The following WDR72 variants were observed in gnomAD, a reference collection of about 807,000 sequenced individuals.
The protein encoded by WDR72 is WD repeat domain 72.
Under a neutral mutation model 124.2 loss-of-function variants are expected in WDR72, and 120 were observed. That is an observed-to-expected ratio of 0.97 (90% CI 0.83 to 1.12). WDR72 has a LOEUF of 1.12. WDR72 is among the 50% of genes most tolerant of loss of function. The pLI is 0.00. For synonymous variants in WDR72, 452 were observed against 441.7 expected (o/e 1.02, Z -0.29); for missense variants, 1,387 against 1,278.8 (o/e 1.08, Z -1.29).
At chr15:53,626,371 T>C (rs1418879354) in intron 14 of WDR72, among the ~76,000 whole-genome samples, 1 of 152,090 alleles carries the variant, frequency 6.6e-6, no homozygotes, top group African/African-American at 2.4e-5. Context: ...TTTAGCCTGA[T>C]TGGGAGCAGC....
chr15:53,737,784 C>G (rs2018399366), intron 1 of WDR72, among the ~76,000 whole-genome samples: 1 of 152,088 alleles, frequency 6.6e-6, no homozygotes, highest in African/African-American at 2.4e-5. Flanking sequence ...ATACTTGAAC[C>G]ACATAATTTG....
At chr15:53,643,163 A>T (rs997156068) in intron 14 of WDR72, among the ~76,000 whole-genome samples, 8 of 152,118 alleles carry the variant, frequency 5.3e-5, no homozygotes, top group Non-Finnish European at 1.5e-5. Flanking sequence ...AAATTATTTC[A>T]TCCTATTTTT....
Position 53,686,975 on chromosome 15 carries a change from G to A in WDR72, c.1765+12775C>T, listed in dbSNP as rs542123415. Among the ~76,000 whole-genome samples, 76 of 151,530 alleles carry A rather than the reference G, an allele frequency of 5.0e-4. 2 individuals are homozygous for A. In the South Asian group the frequency reaches 0.016, roughly 31 times the overall value. ...CCTGAATGACTACTGGGTACATAAC[G>A]AAATGAAGGCGGAAATAAACATGTT... On this transcript the variant is annotated intron_variant, in intron 13 of 19. Coordinates refer to ENST00000360509, the MANE Select transcript of WDR72 (RefSeq NM_182758.4).
At chr15:53,574,037 C>T (rs1174162630) in intron 18 of WDR72, among the ~76,000 whole-genome samples, 1 of 152,140 alleles carries the variant, frequency 6.6e-6, no homozygotes, top group African/African-American at 2.4e-5. Flanking sequence ...ATGTGACGAT[C>T]TCTTATAAAA....
chr15:53,530,006 T>G (rs1892363035), intron 18 of WDR72, among the ~76,000 whole-genome samples: 1 of 151,846 alleles, frequency 6.6e-6, no homozygotes, highest in African/African-American at 2.4e-5. Flanking sequence ...CTGGGAGGTT[T>G]GCCTAGATTT....
chr15:53,709,199 T>A (rs536384143), intron 9 of WDR72, among the ~76,000 whole-genome samples: 2 of 152,196 alleles, frequency 1.3e-5, no homozygotes, highest in Admixed American at 6.5e-5. Context: ...TGAACACTAG[T>A]GATGTTTGAA....
At chr15:53,740,097 C>T (rs2018467131) in intron 1 of WDR72, among the ~76,000 whole-genome samples, 2 of 152,078 alleles carry the variant, frequency 1.3e-5, no homozygotes, top group South Asian at 2.1e-4. Context: ...GCTTCTCTTA[C>T]TTGAATCTTT....
intron 18 of WDR72, among the ~76,000 whole-genome samples, chr15:53,552,152 G>GTGTT (rs574285684): frequency 6.6e-6 from 1 of 150,916 alleles, no homozygotes; most frequent in African/African-American, 2.5e-5. Flanking sequence ...GTGTGTGTGT[G>GTGTT]TTTATGTATG....
At chr15:53,701,536 G>GTCTCTCTCTCTCTCTCTCTCTCTCTC (rs370281315) in intron 12 of WDR72, among the ~76,000 whole-genome samples, 1 of 101,504 alleles carries the variant, frequency 9.9e-6, no homozygotes, top group African/African-American at 3.6e-5. Context: ...GTGAGACCCT[G>GTCTCTCTCTCTCTCTCTCTCTCTCTC]TCTCTCTCTC....
At chr15:53,617,596 G>T (rs1460865889) in intron 14 of WDR72, among the ~76,000 whole-genome samples, 1 of 151,554 alleles carries the variant, frequency 6.6e-6, no homozygotes. Context: ...AATAATTTTT[G>T]CAAATCAATA....
chr15:53,637,420 C>A (rs529191075), intron 14 of WDR72, among the ~76,000 whole-genome samples: 7 of 152,264 alleles, frequency 4.6e-5, no homozygotes, highest in African/African-American at 1.4e-4. Flanking sequence ...ACCTAGGCTG[C>A]ACAGCACCAC....
At chr15:53,563,176 G>C (rs372487713) in intron 18 of WDR72, among the ~76,000 whole-genome samples, 4 of 151,830 alleles carry the variant, frequency 2.6e-5, no homozygotes, top group South Asian at 4.2e-4. Flanking sequence ...TTGGATATTG[G>C]TAAGATGTGA....
chr15:53,640,552 T>G (rs1445402750), intron 14 of WDR72, among the ~76,000 whole-genome samples: 2 of 152,226 alleles, frequency 1.3e-5, no homozygotes, highest in African/African-American at 4.8e-5. Flanking sequence ...CACTTTCTGG[T>G]TCTTTTAAAA....
At chr15:53,683,238 C>G (rs576575475) in intron 13 of WDR72, among the ~76,000 whole-genome samples, 3 of 152,174 alleles carry the variant, frequency 2.0e-5, no homozygotes, top group Admixed American at 6.5e-5. Flanking sequence ...AGGGTATACA[C>G]ACATACTTAG....
intron 14 of WDR72, among the ~76,000 whole-genome samples, chr15:53,650,920 T>C (rs2015216350): frequency 8.0e-6 from 1 of 124,416 alleles, no homozygotes; most frequent in African/African-American, 2.8e-5. Context: ...TTTTTTTACA[T>C]AGCAAACAAA....
At chr15:53,611,422 C>G (rs1252253592) in intron 16 of WDR72, among the ~76,000 whole-genome samples, 1 of 152,022 alleles carries the variant, frequency 6.6e-6, no homozygotes, top group Non-Finnish European at 1.5e-5. Flanking sequence ...AATCCCCTGT[C>G]TTTGCAGAAA....
At chr15:53,635,087 G>A (rs2014575605) in intron 14 of WDR72, among the ~76,000 whole-genome samples, 1 of 152,202 alleles carries the variant, frequency 6.6e-6, no homozygotes, top group Non-Finnish European at 1.5e-5. Context: ...TGCAGAGGGT[G>A]ACGATCTTTC....
At chr15:53,681,014 T>C (rs2016363144) in intron 13 of WDR72, among the ~76,000 whole-genome samples, 1 of 152,234 alleles carries the variant, frequency 6.6e-6, no homozygotes. Flanking sequence ...GACTTGACCT[T>C]TGAATTTGTT....
chr15:53,739,035 G>A (rs986903571), intron 1 of WDR72, among the ~76,000 whole-genome samples: 42 of 152,152 alleles, frequency 2.8e-4, no homozygotes, highest in African/African-American at 1.0e-3. Context: ...TTCATATTGG[G>A]TGTAATCTTG....
Sources: allele counts gnomAD v4.1 joint callset (sites outside exome capture counted in the v4.1 genomes callset), GRCh38; gene constraint gnomAD v4.1.1; transcripts MANE v1.5; gene names NCBI Gene and HGNC (gene_info 2026-07-23, HGNC 2026-07-21).